The following LY86 variants were observed in gnomAD, a reference collection of about 807,000 sequenced individuals.
LY86 encodes MD-1, RP105-associated.
A neutral mutation model predicts 17.3 loss-of-function variants in LY86; 20 were observed. That is an observed-to-expected ratio of 1.15 (90% CI 0.81 to 1.68). The LOEUF (loss-of-function observed/expected upper bound fraction) is 1.68. Ranked by LOEUF, LY86 falls within the 40% of genes most tolerant of loss-of-function variation. LY86 has a pLI of 0.00. For missense variants in LY86, 200 were observed against 191.9 expected (o/e 1.04, Z -0.25); for synonymous variants, 74 against 70.6 (o/e 1.05, Z -0.24).
chr6:6,613,474 A>G (rs1041635063), intron 1 of LY86, among the ~76,000 whole-genome samples: 21 of 152,270 alleles, frequency 1.4e-4, no homozygotes, highest in Non-Finnish European at 1.2e-4. Context: ...AATCGAGCAC[A>G]GCAGCTGCTG....
At chr6:6,606,637 C>A (rs913100186) in intron 1 of LY86, among the ~76,000 whole-genome samples, 1 of 152,190 alleles carries the variant, frequency 6.6e-6, no homozygotes, top group African/African-American at 2.4e-5. Flanking sequence ...AGCTAAGGCC[C>A]GGCGAGAAAT....
At chr6:6,591,057 T>G (rs1760511272) in intron 1 of LY86, 1 of 153,708 alleles carries the variant, frequency 6.5e-6, no homozygotes, top group African/African-American at 2.4e-5. Flanking sequence ...CAGTGCAGGA[T>G]GAGAAGCAAG....
In LY86 at chr6:6,608,983, G is replaced by A. The variant is rs1218649674; in HGVS notation, c.137-15943G>A. 4.6e-5 allele frequency among the ~76,000 whole-genome samples: 7 copies of A among 152,140 alleles called. No homozygotes were observed. In the East Asian group the frequency reaches 1.3e-3, roughly 29 times the overall value. On this transcript the variant is annotated intron_variant, in intron 1 of 4. Coordinates refer to ENST00000230568, the MANE Select transcript of LY86 (RefSeq NM_004271.4). The stretch of plus-strand genomic sequence containing the variant: ...TATTTTTTATTCCCCTAATCAGGAA[G>A]GGAATGCTAGGGTGTGTTGATTCTG...
Position 6,649,687 on chromosome 6 carries a change from T to C in LY86, c.405+10T>C. 6.7e-7 allele frequency: 1 copy of C among 1,497,484 alleles called. No homozygotes were observed. The highest frequency in any genetic ancestry group is 9.3e-7 in the Non-Finnish European group (1 of 1,079,798). The allele number at this position is 1,497,484 out of a possible 1,614,324, so 92.8% of individuals were successfully genotyped here. ...ATTTACTATTCCTCAGGTAAGATAT[T>C]ACTTACTTCTTGTATTAAATAGTTT... is the stretch of plus-strand genomic sequence containing the variant. On this transcript the variant is annotated intron_variant, in intron 4 of 4. Transcript: ENST00000230568.
At chr6:6,640,213 C>T (rs760073222) in intron 3 of LY86, among the ~76,000 whole-genome samples, 2 of 152,060 alleles carry the variant, frequency 1.3e-5, no homozygotes, top group Non-Finnish European at 2.9e-5. Context: ...GGCAAGGAGT[C>T]CTTCATCATG....
intron 1 of LY86, among the ~76,000 whole-genome samples, chr6:6,615,903 T>C (rs1761542974): frequency 2.6e-5 from 4 of 152,074 alleles, no homozygotes; most frequent in Admixed American, 2.6e-4. Context: ...TTAACTAAAT[T>C]ATTTTAAACC....
intron 1 of LY86, among the ~76,000 whole-genome samples, chr6:6,612,303 G>A (rs185787267): frequency 1.2e-4 from 19 of 152,278 alleles, no homozygotes; most frequent in African/African-American, 2.2e-4. Flanking sequence ...TAGTGGCCTT[G>A]CTAACTTCAG....
At chr6:6,645,596 C>A (rs910562285) in intron 3 of LY86, among the ~76,000 whole-genome samples, 2 of 151,892 alleles carry the variant, frequency 1.3e-5, no homozygotes, top group Admixed American at 6.6e-5. Context: ...GTAGAATATA[C>A]CTGCACAATT....
intron 1 of LY86, among the ~76,000 whole-genome samples, chr6:6,593,502 A>G (rs1760596580): frequency 6.6e-6 from 1 of 152,222 alleles, no homozygotes; most frequent in South Asian, 2.1e-4. Flanking sequence ...GGGAGAATAT[A>G]TTACCTACGC....
At chr6:6,596,270 T>C (rs1210392330) in intron 1 of LY86, among the ~76,000 whole-genome samples, 1 of 152,142 alleles carries the variant, frequency 6.6e-6, no homozygotes, top group Non-Finnish European at 1.5e-5. Flanking sequence ...ACAGGATATA[T>C]TGATAAAATG....
intron 3 of LY86, 24 bp downstream of exon 3, chr6:6,626,445 G>A (rs771030888): frequency 6.2e-7 from 1 of 1,611,864 alleles, no homozygotes; most frequent in Admixed American, 1.7e-5. Flanking sequence ...CTTGCTCACT[G>A]CTGGCAGGGG....
Position 6,605,455 on chromosome 6 carries a change from T to C in LY86, c.136+16585T>C, listed in dbSNP as rs114563886. 4.2e-3 allele frequency among the ~76,000 whole-genome samples: 634 copies of C among 152,360 alleles called. 9 individuals are homozygous for C. In the East Asian group the frequency reaches 0.06, roughly 14 times the overall value. On this transcript the variant is annotated intron_variant, in intron 1 of 4. Coordinates refer to ENST00000230568, the MANE Select transcript of LY86 (RefSeq NM_004271.4). ...CCGCTTTCATGCCCACTCACAGGGC[T>C]GTTACTGGAGTTCAAGTCTTCAATA...
intron 1 of LY86, among the ~76,000 whole-genome samples, chr6:6,598,657 CTT>C (rs1280931707): frequency 6.6e-6 from 1 of 152,164 alleles, no homozygotes; most frequent in African/African-American, 2.4e-5. Context: ...GTGATGTGCT[CTT>C]TAAGTTGTGC....
At chr6:6,595,806 A>G (rs763009957) in intron 1 of LY86, among the ~76,000 whole-genome samples, 13 of 152,312 alleles carry the variant, frequency 8.5e-5, no homozygotes, top group Non-Finnish European at 1.8e-4. Flanking sequence ...TTTCCTGAGG[A>G]AGCCCTATTT....
intron 3 of LY86, among the ~76,000 whole-genome samples, chr6:6,648,400 A>G (rs918852781): frequency 6.6e-6 from 1 of 152,064 alleles, no homozygotes; most frequent in African/African-American, 2.4e-5. Context: ...GCTCTTCTCA[A>G]CACAGTTCCT....
At chr6:6,590,726 G>C (rs1760497515) in intron 1 of LY86, among the ~76,000 whole-genome samples, 1 of 152,178 alleles carries the variant, frequency 6.6e-6, no homozygotes, top group Non-Finnish European at 1.5e-5. Context: ...AACTACAGGA[G>C]ATGGAAAAGA....
intron 1 of LY86, among the ~76,000 whole-genome samples, chr6:6,601,104 A>G (rs926992450): frequency 2.0e-5 from 3 of 152,216 alleles, no homozygotes; most frequent in African/African-American, 7.2e-5. Context: ...AGTATCAGGT[A>G]TCCTAACAAA....
At chr6:6,611,795 A>AT (rs893313593) in intron 1 of LY86, among the ~76,000 whole-genome samples, 69 of 137,054 alleles carry the variant, frequency 5.0e-4, no homozygotes, top group African/African-American at 1.9e-3. Flanking sequence ...TACGGGCTCA[A>AT]AAAGCTTTAA....
intron 3 of LY86, among the ~76,000 whole-genome samples, chr6:6,649,133 C>T (rs1007912414): frequency 2.0e-5 from 3 of 152,232 alleles, no homozygotes; most frequent in Non-Finnish European, 4.4e-5. Context: ...AGCAAAGGCA[C>T]ATCTTATACG....
Sources: allele counts gnomAD v4.1 joint callset (sites outside exome capture counted in the v4.1 genomes callset), GRCh38; gene constraint gnomAD v4.1.1; transcripts MANE v1.5; gene names NCBI Gene and HGNC (gene_info 2026-07-23, HGNC 2026-07-21).